TGFBR3: variants seen among roughly 807,000 people sequenced by gnomAD.
TGFBR3 encodes transforming growth factor beta receptor 3.
In TGFBR3, 46 loss-of-function variants were observed where a neutral mutation model predicts 87.9. The observed-to-expected ratio is 0.52, with a 90% CI of 0.41 to 0.67. The LOEUF (loss-of-function observed/expected upper bound fraction) is 0.67, where lower values mean the gene tolerates loss of function less well. Ranked by LOEUF, TGFBR3 falls within the 30% of genes least tolerant of loss-of-function variation. The probability of loss-of-function intolerance (pLI) is 0.00; values close to 1 mark genes in which losing one functional copy is unlikely to be tolerated. For synonymous variants in TGFBR3, 381 were observed against 391.6 expected, an observed-to-expected ratio of 0.97 and a Z score of 0.32; for missense variants, 866 against 1,041.9, an observed-to-expected ratio of 0.83 and a Z score of 2.32.
intron 4 of TGFBR3, among the ~76,000 whole-genome samples, chr1:91,738,047 G>C (rs1474954133): frequency 6.6e-6 from 1 of 152,168 alleles, no homozygotes; most frequent in African/African-American, 2.4e-5. Flanking sequence ...AGAACAAAAA[G>C]CTGACTCTCT....
chr1:91,781,592 CAT>C (rs1025330000), intron 3 of TGFBR3, among the ~76,000 whole-genome samples: 4 of 152,000 alleles, frequency 2.6e-5, no homozygotes, highest in African/African-American at 9.7e-5. Context: ...AAATAGGAAA[CAT>C]ATGTAGGACG....
intron 3 of TGFBR3, 40 bp from the exon 4 acceptor site, chr1:91,758,790 G>A (rs11165441): frequency 0.15 from 248,013 of 1,612,018 alleles, 20,490 homozygotes; most frequent in East Asian, 0.27. Flanking sequence ...CTTAGCCCTG[G>A]CTTTCCATGA....
intron 1 of TGFBR3, 190 bp from the exon 2 acceptor site, chr1:91,861,834 G>A (rs1678206950): frequency 5.9e-6 from 2 of 341,054 alleles, no homozygotes; most frequent in South Asian, 2.9e-5. Flanking sequence ...AAATACTTTT[G>A]CAAATGACAT....
intron 2 of TGFBR3, among the ~76,000 whole-genome samples, chr1:91,822,303 A>T (rs796507450): frequency 2.0e-5 from 3 of 149,538 alleles, no homozygotes; most frequent in African/African-American, 2.5e-5. Context: ...TAAAAAAAAA[A>T]AAAAAAAAAA....
intron 2 of TGFBR3, among the ~76,000 whole-genome samples, chr1:91,856,761 G>A (rs1677970823): frequency 6.6e-6 from 1 of 152,212 alleles, no homozygotes; most frequent in African/African-American, 2.4e-5. Flanking sequence ...TCTCTTCTGA[G>A]GCCAAAGGGG....
At chr1:91,851,341 T>C (rs1259825559) in intron 2 of TGFBR3, among the ~76,000 whole-genome samples, 1 of 152,212 alleles carries the variant, frequency 6.6e-6, no homozygotes, top group African/African-American at 2.4e-5. Flanking sequence ...TAAATGTTTT[T>C]TAGGCCATTC....
chr1:91,840,694 C>G (rs942930489), intron 2 of TGFBR3, among the ~76,000 whole-genome samples: 2 of 152,108 alleles, frequency 1.3e-5, no homozygotes, highest in African/African-American at 4.8e-5. Context: ...GAGAAACTGT[C>G]ATAATCATGG....
At chr1:91,894,486 C>T (rs961867145) in intron 2 of TGFBR3, among the ~76,000 whole-genome samples, 3 of 152,200 alleles carry the variant, frequency 2.0e-5, no homozygotes, top group Non-Finnish European at 4.4e-5. Context: ...TCCACAGCTC[C>T]TCCTCAATCA....
chr1:91,848,796 G>A (rs141352676), intron 2 of TGFBR3, among the ~76,000 whole-genome samples: 2 of 152,192 alleles, frequency 1.3e-5, no homozygotes, highest in Admixed American at 1.3e-4. Flanking sequence ...AACAAGACTT[G>A]GAAATCAGGA....
At chr1:91,693,621 C>T (rs1671336943) in intron 16 of TGFBR3, among the ~76,000 whole-genome samples, 1 of 152,156 alleles carries the variant, frequency 6.6e-6, no homozygotes, top group Admixed American at 6.5e-5. Flanking sequence ...GCCCTATATT[C>T]TGCCTGGACC....
At chr1:91,688,894 T>C (rs1332518298) in intron 16 of TGFBR3, among the ~76,000 whole-genome samples, 1 of 151,672 alleles carries the variant, frequency 6.6e-6, no homozygotes, top group Non-Finnish European at 1.5e-5. Flanking sequence ...CAGACTAAGG[T>C]GTGATAAGGT....
At chr1:91,756,647 T>C (rs563253369) in intron 4 of TGFBR3, among the ~76,000 whole-genome samples, 38 of 152,354 alleles carry the variant, frequency 2.5e-4, no homozygotes, top group African/African-American at 8.7e-4. Flanking sequence ...TTGGCCTTTT[T>C]AATATAGAAT....
At chr1:91,790,355 C>T (rs1011573422) in intron 3 of TGFBR3, among the ~76,000 whole-genome samples, 7 of 152,122 alleles carry the variant, frequency 4.6e-5, no homozygotes, top group Admixed American at 6.5e-5. Flanking sequence ...GGCCGAGGTG[C>T]GTAGTAGGAC....
intron 2 of TGFBR3, among the ~76,000 whole-genome samples, chr1:91,802,629 G>A (rs1018903830): frequency 6.6e-6 from 1 of 152,046 alleles, no homozygotes; most frequent in African/African-American, 2.4e-5. Flanking sequence ...CTGAAGTGCT[G>A]GGATTACAGG....
intron 4 of TGFBR3, among the ~76,000 whole-genome samples, chr1:91,742,368 A>G (rs975091730): frequency 2.0e-5 from 3 of 152,244 alleles, no homozygotes; most frequent in African/African-American, 7.2e-5. Context: ...CAAGGACCCA[A>G]TAATTGCTTG....
intron 3 of TGFBR3, among the ~76,000 whole-genome samples, chr1:91,760,397 C>T (rs1018154396): frequency 6.6e-6 from 1 of 152,192 alleles, no homozygotes; most frequent in Non-Finnish European, 1.5e-5. Context: ...GCCTGGGCTA[C>T]AGAGTGAGAC....
intron 13 of TGFBR3, among the ~76,000 whole-genome samples, chr1:91,709,334 A>G (rs923638641): frequency 4.6e-4 from 70 of 152,206 alleles, no homozygotes; most frequent in African/African-American, 1.6e-3. Context: ...ACGTTAACCT[A>G]CAGCTGGAAA....
At chr1:91,752,643 C>T (rs375749399) in intron 4 of TGFBR3, among the ~76,000 whole-genome samples, 48 of 151,938 alleles carry the variant, frequency 3.2e-4, no homozygotes, top group African/African-American at 9.9e-4. Flanking sequence ...ATCTTGAAAA[C>T]GTCTGCTTGT....
chr1:91,769,155 A>AG (rs1483101254), intron 3 of TGFBR3, among the ~76,000 whole-genome samples: 1 of 152,242 alleles, frequency 6.6e-6, no homozygotes, highest in African/African-American at 2.4e-5. Flanking sequence ...CAGATGTCAA[A>AG]GGGTTAAATC....
Sources: allele counts gnomAD v4.1 joint callset (sites outside exome capture counted in the v4.1 genomes callset), GRCh38; gene constraint gnomAD v4.1.1; transcripts MANE v1.5; gene names NCBI Gene and HGNC (gene_info 2026-07-23, HGNC 2026-07-21).